The following PCDH15 variants were observed in gnomAD, a reference collection of about 807,000 sequenced individuals.
PCDH15 encodes the protein protocadherin-15.
A neutral mutation model predicts 178.5 loss-of-function variants in PCDH15; 129 were observed. The ratio of observed to expected loss-of-function variants is 0.72; its 90% CI spans 0.63 to 0.84. The LOEUF (loss-of-function observed/expected upper bound fraction) is 0.84, where lower values mean the gene tolerates loss of function less well. Among genes scored for constraint, PCDH15 ranks in the 40% least tolerant of loss-of-function variants. The pLI is 0.00. For missense variants in PCDH15, 2,230 were observed against 2,099.9 expected (o/e 1.06, Z -1.21); for synonymous variants, 800 against 732.0 (o/e 1.09, Z -1.50).
chr10:55,263,014 AAT>A (rs1384684189), intron 1 of PCDH15, among the ~76,000 whole-genome samples: 3 of 152,108 alleles, frequency 2.0e-5, no homozygotes, highest in Non-Finnish European at 4.4e-5. Context: ...TGGGGCACCA[AAT>A]AAGTGAGCCA....
Position 54,378,902 on chromosome 10 carries a change from A to G in PCDH15, c.198T>C (p.Ala66=), listed in dbSNP as rs777099546. The part of the protein sequence containing the change: ...LVDNMLIKGT[A]GGPDPTIELS... ...GTTCTATGGTGGGGTCTGGTCCTCCAGCAGTCCCTTTGATCAGCATGTTGT... is the reference window on the plus strand; with the variant it reads ...GTTCTATGGTGGGGTCTGGTCCTCCGGCAGTCCCTTTGATCAGCATGTTGT... The change falls in exon 4 of 38, where the codon GCT becomes GCC. Residue 66 remains alanine (A), a synonymous_variant. Transcript: ENST00000644397. The G allele has an allele frequency of 3.1e-6, 5 of 1,613,712 alleles. No homozygotes were observed. In the Admixed American group the frequency reaches 8.3e-5, roughly 27 times the overall value.
intron 1 of PCDH15, among the ~76,000 whole-genome samples, chr10:54,667,953 G>A (rs1001252714): frequency 6.6e-6 from 1 of 151,926 alleles, no homozygotes; most frequent in Admixed American, 6.6e-5. Context: ...AATATTACAC[G>A]TAAGTGGTTT....
intron 1 of PCDH15, among the ~76,000 whole-genome samples, chr10:55,219,367 A>G (rs765594818): frequency 1.5e-4 from 23 of 151,936 alleles, no homozygotes; most frequent in Non-Finnish European, 2.9e-4. Flanking sequence ...TACTTATATT[A>G]TTGCTAACAG....
chr10:55,541,094 A>G (rs1841749877), intron 2 of PCDH15, among the ~76,000 whole-genome samples: 1 of 152,066 alleles, frequency 6.6e-6, no homozygotes, highest in South Asian at 2.1e-4. Flanking sequence ...GCACAGTGTA[A>G]CGTTTAGAAA....
chr10:55,599,889 G>A, intron 2 of PCDH15: 2 of 1,504,640 alleles, frequency 1.3e-6, no homozygotes, highest in Non-Finnish European at 1.8e-6. Context: ...CCTAAGTAGG[G>A]ACTTGTATGA....
intron 1 of PCDH15, among the ~76,000 whole-genome samples, chr10:55,305,733 TC>T (rs1219815007): frequency 2.0e-5 from 3 of 152,192 alleles, no homozygotes; most frequent in African/African-American, 7.2e-5. Context: ...ATGTCAATTT[TC>T]CCATTTGTAA....
intron 16 of PCDH15, among the ~76,000 whole-genome samples, chr10:54,087,090 G>C (rs530373511): frequency 6.6e-6 from 1 of 152,256 alleles, no homozygotes; most frequent in Admixed American, 6.5e-5. Context: ...TAAGAGACCT[G>C]GGCTTCCTGC....
rs570052017 is a variant in PCDH15, at chr10:53,869,702, G to A, written c.3502-2845C>T. ...CATGCCTGTAATACCAACACTTTGG[G>A]AGGCTAAGGCTGGAGGATCACCTGA... On this transcript the variant is annotated intron_variant, in intron 26 of 37. Transcript: ENST00000644397. 4.5e-4 allele frequency among the ~76,000 whole-genome samples: 69 copies of A among 151,978 alleles called. 1 individual carries two copies. The South Asian group carries it at 8.1e-3, about 18-fold the overall frequency.
intron 2 of PCDH15, among the ~76,000 whole-genome samples, chr10:55,558,828 CT>C (rs1842139295): frequency 6.6e-6 from 1 of 151,934 alleles, no homozygotes; most frequent in South Asian, 2.1e-4. Context: ...TAGAGGTAGT[CT>C]TTTAGTATTG....
intron 15 of PCDH15, among the ~76,000 whole-genome samples, chr10:54,125,764 C>A (rs12360522): frequency 0.32 from 47,868 of 151,924 alleles, 8,510 homozygotes; most frequent in Non-Finnish European, 0.41. Context: ...CTTATGATAG[C>A]ATCAATTAAA....
At chr10:55,089,524 T>G (rs1842261597) in intron 2 of PCDH15, among the ~76,000 whole-genome samples, 1 of 152,136 alleles carries the variant, frequency 6.6e-6, no homozygotes, top group African/African-American at 2.4e-5. Context: ...ACTGTGTGGC[T>G]CTAGAATCTT....
chr10:55,467,978 A>AAAAAAAAAAAAAAAAAG, intron 2 of PCDH15, among the ~76,000 whole-genome samples: 1 of 148,038 alleles, frequency 6.8e-6, no homozygotes, highest in Non-Finnish European at 1.5e-5. Flanking sequence ...AAAAAAAAAA[A>AAAAAAAAAAAAAAAAAG]AAAAAAAAAA....
intron 2 of PCDH15, among the ~76,000 whole-genome samples, chr10:55,435,826 T>C (rs1277880379): frequency 6.6e-6 from 1 of 152,148 alleles, no homozygotes; most frequent in Non-Finnish European, 1.5e-5. Context: ...AAAGACACAT[T>C]AACAGAATTT....
chr10:55,539,216 A>G (rs1841701829), intron 2 of PCDH15, among the ~76,000 whole-genome samples: 1 of 152,020 alleles, frequency 6.6e-6, no homozygotes, highest in South Asian at 2.1e-4. Flanking sequence ...GAAGTAATAC[A>G]CCATTTGTAT....
chr10:55,437,832 CTTTTTTTT>C (rs778307616), intron 2 of PCDH15, among the ~76,000 whole-genome samples: 3 of 85,178 alleles, frequency 3.5e-5, no homozygotes, highest in Admixed American at 1.4e-4. Context: ...TATTGCTTTT[CTTTTTTTT>C]TTTTTTTTTT....
chr10:54,790,461 T>C (rs1419612009), intron 1 of PCDH15, among the ~76,000 whole-genome samples: 2 of 151,866 alleles, frequency 1.3e-5, no homozygotes, highest in African/African-American at 4.8e-5. Context: ...GTGACTGAGT[T>C]CTAGACAAAG....
intron 2 of PCDH15, among the ~76,000 whole-genome samples, chr10:55,109,906 C>T: frequency 6.6e-6 from 1 of 151,636 alleles, no homozygotes; most frequent in East Asian, 1.9e-4. Context: ...TCCCCAAAAT[C>T]AAATAAGCAG....
Position 53,807,068 on chromosome 10 carries a change from T to C in PCDH15, c.4734A>G (p.Gly1578=). The C allele has an allele frequency of 6.2e-7, 1 of 1,612,828 alleles. No individual in the cohort carries two copies. Among genetic ancestry groups the C allele is most frequent in the Non-Finnish European group, 8.5e-7 (1 of 1,179,684 alleles). The change falls in exon 38 of 38, where the codon GGA becomes GGG. Residue 1578 remains glycine, a synonymous_variant. Coordinates refer to ENST00000644397, the MANE Select transcript of PCDH15 (RefSeq NM_001384140.1). ...VDREYETSST[G]EDSAPECQRN... ...TCTGACATTCAGGAGCACTGTCTTC[T>C]CCAGTTGAGCTGGTTTCATACTCTC...
At chr10:55,018,524 T>A (rs1840241479) in intron 2 of PCDH15, among the ~76,000 whole-genome samples, 1 of 152,138 alleles carries the variant, frequency 6.6e-6, no homozygotes, top group Non-Finnish European at 1.5e-5. Flanking sequence ...GTATTTTCAA[T>A]CTGTGGTTGG....
Sources: gnomAD v4.1 joint callset for allele counts (sites outside exome capture counted in the v4.1 genomes callset) on GRCh38, gnomAD v4.1.1 for gene constraint, MANE v1.5 for transcripts, NCBI Gene and HGNC (gene_info 2026-07-23, HGNC 2026-07-21) for gene names.